The following VIRMA variants were observed in gnomAD, a reference collection of about 807,000 sequenced individuals.
The protein encoded by VIRMA is vir like m6A methyltransferase associated, also known as protein virilizer homolog.
In VIRMA, 65 loss-of-function variants were observed where a neutral mutation model predicts 182.4. The ratio of observed to expected loss-of-function variants is 0.36; its 90% CI spans 0.29 to 0.44. The LOEUF is 0.44. Among genes scored for constraint, VIRMA ranks in the 20% least tolerant of loss-of-function variants. VIRMA has a pLI of 1.00. For synonymous variants in VIRMA, 709 were observed against 743.1 expected, an observed-to-expected ratio of 0.95 and a Z score of 0.75; for missense variants, 1,752 against 2,158.1, an observed-to-expected ratio of 0.81 and a Z score of 3.73.
At chr8:94,553,283 A>T in intron 1 of VIRMA, 102 bp downstream of exon 1, 1 of 1,180,216 alleles carries the variant, frequency 8.5e-7, no homozygotes, top group Non-Finnish European at 1.3e-6. Context: ...GCGAGAAATT[A>T]AAGAAGCAAT....
chr8:94,523,942 T>G (rs1814863241), intron 8 of VIRMA, among the ~76,000 whole-genome samples: 1 of 150,872 alleles, frequency 6.6e-6, no homozygotes, highest in Non-Finnish European at 1.5e-5. Flanking sequence ...ACGGGCACAT[T>G]CCACCAAAGC....
At chr8:94,550,270 A>C (rs1167351206) in intron 1 of VIRMA, among the ~76,000 whole-genome samples, 9 of 148,738 alleles carry the variant, frequency 6.1e-5, no homozygotes, top group Non-Finnish European at 7.4e-5. Context: ...TTGTCACCTC[A>C]CCTCTATTTT....
rs753982316 is a variant in VIRMA, at chr8:94,510,618, T to C, written c.3425A>G (p.Asn1142Ser). The C allele has an allele frequency of 1.2e-6, 2 of 1,614,084 alleles. No homozygotes were observed. The highest frequency in any genetic ancestry group is 1.7e-5 in the Admixed American group (1 of 60,008). Residue 1142 changes from asparagine (N) to serine (S), a missense_variant, in exon 14 of 24, where the codon AAC (asparagine) becomes AGC (serine). Asn to Ser is a conservative substitution (Grantham distance 46, BLOSUM62 1). Coordinates refer to ENST00000297591, the MANE Select transcript of VIRMA (RefSeq NM_015496.5). ...GTGCATGCTCCACAATTTTCGGGTG[T>C]TGAGTGCCACTGATATATCATGTGG... ...IEPHDISVALNTRKLWSMHLH... is the reference protein window; with the variant it reads ...IEPHDISVALSTRKLWSMHLH...
chr8:94,499,442 T>C lies in VIRMA; in HGVS notation c.4162A>G (p.Lys1388Glu). 2 of 1,611,118 alleles carry C rather than the reference T, an allele frequency of 1.2e-6. No individual in the cohort carries two copies. Among genetic ancestry groups the C allele is most frequent in the Non-Finnish European group, 1.7e-6 (2 of 1,178,960 alleles). ...LLKRVVSTFS[K>E]DTGELASSFL... ...GAAGATGCAAGCTCTCCTGTGTCCT[T>C]ACTAAATGTGCTGACCACTCGTTTC... The change falls in exon 17 of 24, where the codon AAG becomes GAG. Residue 1388 changes from lysine to glutamate, a missense_variant. By Grantham distance (56) the Lys-to-Glu change is moderately conservative. This residue lies in a region of VIRMA where 777 missense variants were observed against 920.6 expected (regional missense o/e 0.84). Coordinates refer to ENST00000297591, the MANE Select transcript of VIRMA (RefSeq NM_015496.5).
rs1815410864 is a variant in VIRMA, at chr8:94,538,252, G to GTACA, written c.266+4_266+7dup. The GTACA allele has an allele frequency of 6.3e-7, 1 of 1,586,124 alleles. No individual in the cohort carries two copies. Among genetic ancestry groups the GTACA allele is most frequent in the African/African-American group, 1.3e-5 (1 of 74,320 alleles). ...AGTTTCTGGTGAAATTACCTAGCAG[G>GTACA]TACATACCTTCCCAACCTATCGAAA... On this transcript the variant is annotated splice_region_variant and intron_variant, in intron 3 of 23. Coordinates refer to ENST00000297591, the MANE Select transcript of VIRMA (RefSeq NM_015496.5).
intron 16 of VIRMA, among the ~76,000 whole-genome samples, chr8:94,499,938 A>G (rs1230719507): frequency 6.6e-6 from 1 of 151,306 alleles, no homozygotes; most frequent in East Asian, 1.9e-4. Context: ...AATCCCAGCT[A>G]CTCGGGAGGA....
At chr8:94,521,783 C>T (rs908647694) in intron 8 of VIRMA, among the ~76,000 whole-genome samples, 5 of 152,152 alleles carry the variant, frequency 3.3e-5, no homozygotes, top group African/African-American at 1.2e-4. Flanking sequence ...AATAAACACC[C>T]ACCAGTAACT....
At chr8:94,504,666 A>G (rs1033172865) in intron 16 of VIRMA, among the ~76,000 whole-genome samples, 1 of 152,212 alleles carries the variant, frequency 6.6e-6, no homozygotes, top group African/African-American at 2.4e-5. Flanking sequence ...GGCTATTGCA[A>G]TGGGCTATGC....
chr8:94,522,800 A>G (rs1814818854), intron 8 of VIRMA, among the ~76,000 whole-genome samples: 1 of 152,226 alleles, frequency 6.6e-6, no homozygotes, highest in African/African-American at 2.4e-5. Flanking sequence ...TAGTAACTCT[A>G]ATTTCTTTTC....
intron 8 of VIRMA, 32 bp from the exon 9 acceptor site, chr8:94,519,508 C>A: frequency 1.3e-6 from 2 of 1,510,506 alleles, no homozygotes; most frequent in South Asian, 2.8e-5. Flanking sequence ...CATGTCAAGT[C>A]AGTGCAAAGC....
In VIRMA at chr8:94,488,638, T is replaced by C; in HGVS notation, c.*68A>G. On this transcript the variant is annotated 3_prime_UTR_variant, in exon 24 of 24. Transcript: ENST00000297591. The stretch of plus-strand genomic sequence containing the variant: ...ATAACTGCTAAGTCTAAATTGGTCC[T>C]TCAATGTCTTATTTTTATTGTCCTC... 1 of 1,499,286 alleles carries C rather than the reference T, an allele frequency of 6.7e-7. No homozygotes were observed. The allele number at this position is 1,499,286 out of a possible 1,614,324, so 92.9% of individuals were successfully genotyped here.
intron 18 of VIRMA, 37 bp downstream of exon 18, chr8:94,496,291 A>G (rs1255707068): frequency 6.3e-7 from 1 of 1,575,196 alleles, no homozygotes; most frequent in Admixed American, 1.9e-5. Context: ...TGAGAGGAAA[A>G]TAGGCCTTAA....
Position 94,506,634 on chromosome 8 carries a change from TTC to T in VIRMA, c.3961_3962del (p.Glu1321IlefsTer7), listed in dbSNP as rs759598983. On this transcript the variant is annotated frameshift_variant, in exon 16 of 24. Transcript: ENST00000297591. LOFTEE classifies it high-confidence loss of function. ...EQLSNSLPNK[E>X]LMTSICDCLL... ...GACAGTCACAGATTGAGGTCATCAA[TTC>T]TTTATTTGGTAGAGAATTGGAGAGC... 1 of 1,613,902 alleles carries T rather than the reference TTC, an allele frequency of 6.2e-7. No homozygotes were observed. The highest frequency in any genetic ancestry group is 8.5e-7 in the Non-Finnish European group (1 of 1,179,854).
rs767279904 is a variant in VIRMA, at chr8:94,548,196, C to T, written c.64-4254G>A. On this transcript the variant is annotated intron_variant, in intron 1 of 23. Transcript: ENST00000297591. Reference sequence around the variant, plus strand: ...GTACCTTTTGTATTTGTACCTCATACATGTATTACCTAGTCAAAAAAAAAA... The same window carrying T: ...GTACCTTTTGTATTTGTACCTCATATATGTATTACCTAGTCAAAAAAAAAA... Among the ~76,000 whole-genome samples, 9 of 149,042 alleles carry T rather than the reference C, an allele frequency of 6.0e-5. 1 individual carries two copies. Among genetic ancestry groups the T allele is most frequent in the African/African-American group, 2.0e-4 (8 of 39,324 alleles).
intron 13 of VIRMA, 32 bp from the exon 14 acceptor site, chr8:94,510,684 G>C: frequency 6.8e-7 from 1 of 1,469,620 alleles, no homozygotes; most frequent in Non-Finnish European, 9.5e-7. Flanking sequence ...TGTGTACGTA[G>C]ATTTTTTAAT....
rs553094273 is a variant in VIRMA, at chr8:94,542,512, T to C, written c.179+1315A>G. ...ATGTGAGATAATAAATGTGTAGTTT[T>C]AAGCTGCTATATTTGCTAAAATTTG... On this transcript the variant is annotated intron_variant, in intron 2 of 23. Transcript: ENST00000297591. Among the ~76,000 whole-genome samples the C allele has an allele frequency of 6.6e-5, 10 of 152,360 alleles. No homozygotes were observed. The East Asian group carries it at 7.7e-4, about 12-fold the overall frequency.
Position 94,552,228 on chromosome 8 carries a change from T to A in VIRMA, c.63+1157A>T, listed in dbSNP as rs1050681450. Among the ~76,000 whole-genome samples the A allele has an allele frequency of 2.0e-5, 3 of 152,374 alleles. No homozygotes were observed. The South Asian group carries it at 6.2e-4, about 32-fold the overall frequency. ...TCAAAGTTCTCCAACTTTTGACTTTTACAAACCTATAAACCATTCGTTAAA... is the reference window on the plus strand; with the variant it reads ...TCAAAGTTCTCCAACTTTTGACTTTAACAAACCTATAAACCATTCGTTAAA... On this transcript the variant is annotated intron_variant, in intron 1 of 23. Coordinates refer to ENST00000297591, the MANE Select transcript of VIRMA (RefSeq NM_015496.5).
intron 8 of VIRMA, among the ~76,000 whole-genome samples, chr8:94,525,125 G>C (rs1814911403): frequency 6.6e-6 from 1 of 152,176 alleles, no homozygotes; most frequent in Non-Finnish European, 1.5e-5. Flanking sequence ...CCCCCAAAGG[G>C]ATTAAAGGGT....
intron 16 of VIRMA, among the ~76,000 whole-genome samples, chr8:94,505,050 GGT>G (rs1384847412): frequency 2.0e-5 from 3 of 152,156 alleles, no homozygotes; most frequent in African/African-American, 7.2e-5. Context: ...CAGTGTATGA[GGT>G]GAGTTTCAAA....
Sources: gnomAD v4.1 joint callset for allele counts (sites outside exome capture counted in the v4.1 genomes callset) on GRCh38, gnomAD v4.1.1 for gene constraint, gnomAD v4.1.1 regional missense constraint, MANE v1.5 for transcripts, NCBI Gene and HGNC (gene_info 2026-07-23, HGNC 2026-07-21) for gene names.